Variants in RSU1 observed in about 807,000 individuals in gnomAD.
RSU1 encodes the protein rsu-1.
Under a neutral mutation model 31.1 loss-of-function variants are expected in RSU1, and 26 were observed. The observed-to-expected ratio is 0.84, with a 90% CI of 0.61 to 1.16. The LOEUF (loss-of-function observed/expected upper bound fraction) is 1.16. Ranked by LOEUF, RSU1 falls within the 50% of genes most tolerant of loss-of-function variation. RSU1 has a pLI of 0.00. For missense variants in RSU1, 320 were observed against 339.1 expected (o/e 0.94, Z 0.44); for synonymous variants, 164 against 136.3 (o/e 1.20, Z -1.41).
intron 8 of RSU1, among the ~76,000 whole-genome samples, chr10:16,655,895 C>G (rs902923583): frequency 3.9e-5 from 6 of 152,136 alleles, no homozygotes; most frequent in African/African-American, 1.4e-4. Flanking sequence ...CTTTATTGCA[C>G]TATTTGCCTT....
intron 8 of RSU1, among the ~76,000 whole-genome samples, chr10:16,620,653 G>A (rs1834053535): frequency 6.6e-6 from 1 of 152,086 alleles, no homozygotes; most frequent in African/African-American, 2.4e-5. Context: ...AGACCATCAT[G>A]GCTAACACGG....
intron 3 of RSU1, among the ~76,000 whole-genome samples, chr10:16,765,595 G>C (rs1371289440): frequency 2.0e-5 from 3 of 152,222 alleles, no homozygotes; most frequent in Non-Finnish European, 2.9e-5. Flanking sequence ...GGCAGCAGCA[G>C]GAGTTTCCAT....
At chr10:16,644,627 G>A (rs928111511) in intron 8 of RSU1, among the ~76,000 whole-genome samples, 2 of 152,176 alleles carry the variant, frequency 1.3e-5, no homozygotes, top group Admixed American at 6.5e-5. Flanking sequence ...TCCCAGACCT[G>A]TGGCATTAAC....
intron 7 of RSU1, among the ~76,000 whole-genome samples, chr10:16,718,047 AAC>A (rs1243490801): frequency 6.6e-6 from 1 of 151,680 alleles, no homozygotes; most frequent in African/African-American, 2.4e-5. Context: ...ACAATCAACA[AAC>A]ACAAAGTCAT....
intron 7 of RSU1, among the ~76,000 whole-genome samples, chr10:16,746,548 C>T (rs1836858989): frequency 6.6e-6 from 1 of 152,002 alleles, no homozygotes; most frequent in African/African-American, 2.4e-5. Flanking sequence ...TTATGCAAAA[C>T]ACAGAATCCA....
intron 7 of RSU1, among the ~76,000 whole-genome samples, chr10:16,718,110 A>AAG (rs1554768712): frequency 6.0e-4 from 90 of 150,978 alleles, no homozygotes; most frequent in East Asian, 1.9e-3. Flanking sequence ...AAAAAAAAAA[A>AAG]AAAGAAAGAA....
At chr10:16,772,635 G>T (rs1031147549) in intron 3 of RSU1, among the ~76,000 whole-genome samples, 21 of 48,220 alleles carry the variant, frequency 4.4e-4, no homozygotes, top group African/African-American at 2.5e-3. Flanking sequence ...GAGAGGAGTA[G>T]AATATGAAAA....
At chr10:16,758,482 G>A (rs1243326407) in intron 4 of RSU1, among the ~76,000 whole-genome samples, 2 of 152,194 alleles carry the variant, frequency 1.3e-5, no homozygotes, top group African/African-American at 2.4e-5. Flanking sequence ...GGTAGGAAAA[G>A]TATGGAGCTT....
At chr10:16,597,105 A>C (rs146299331) in intron 8 of RSU1, among the ~76,000 whole-genome samples, 12 of 152,320 alleles carry the variant, frequency 7.9e-5, no homozygotes, top group African/African-American at 2.6e-4. Context: ...GTAAGGAAAG[A>C]GTCTTGGCAA....
chr10:16,700,019 G>A (rs371909999), intron 7 of RSU1, among the ~76,000 whole-genome samples: 17 of 152,258 alleles, frequency 1.1e-4, no homozygotes, highest in African/African-American at 4.1e-4. Context: ...GGTTATAAAT[G>A]TGACTGAATG....
chr10:16,694,023 A>C (rs181675213), intron 8 of RSU1, among the ~76,000 whole-genome samples: 2 of 152,130 alleles, frequency 1.3e-5, no homozygotes, highest in Non-Finnish European at 2.9e-5. Context: ...GATAAATGAC[A>C]GTTTGTTTTG....
intron 2 of RSU1, among the ~76,000 whole-genome samples, chr10:16,806,337 T>A (rs1838266282): frequency 6.6e-6 from 1 of 152,166 alleles, no homozygotes. Context: ...ACAGGGTATG[T>A]GCATATGACT....
intron 8 of RSU1, among the ~76,000 whole-genome samples, chr10:16,617,569 C>T (rs1367378091): frequency 3.3e-5 from 5 of 152,164 alleles, no homozygotes; most frequent in Non-Finnish European, 7.4e-5. Flanking sequence ...AGGCATCATG[C>T]TACCTGACTT....
intron 2 of RSU1, among the ~76,000 whole-genome samples, chr10:16,789,764 C>T (rs1156850391): frequency 1.3e-5 from 2 of 152,192 alleles, no homozygotes; most frequent in African/African-American, 4.8e-5. Context: ...TCCTGCTAAC[C>T]AGACACCATT....
At chr10:16,658,603 A>T (rs983285226) in intron 8 of RSU1, among the ~76,000 whole-genome samples, 1 of 151,990 alleles carries the variant, frequency 6.6e-6, no homozygotes, top group African/African-American at 2.4e-5. Flanking sequence ...AGGCACCTGT[A>T]ATCCCAGCTA....
chr10:16,770,656 G>A (rs1837406295), intron 3 of RSU1, among the ~76,000 whole-genome samples: 1 of 152,232 alleles, frequency 6.6e-6, no homozygotes. Context: ...TGAACTGATA[G>A]CTCAACCTCT....
chr10:16,612,942 A>C (rs1374032809), intron 8 of RSU1, among the ~76,000 whole-genome samples: 2 of 146,054 alleles, frequency 1.4e-5, no homozygotes, highest in African/African-American at 2.6e-5. Context: ...TTTCCTCTCT[A>C]TTTATCTTCC....
In RSU1 at chr10:16,593,175, TGTTAAAGAAACAAATGGA is replaced by T. The variant is rs1335104785; in HGVS notation, c.*201_*218del. Reference sequence around the variant, plus strand: ...GAGCTTTGTTCCCTGCTTTTGGTAATGTTAAAGAAACAAATGGAAATGGTTTAAAGACCTTATAACAAT... The same window carrying T: ...GAGCTTTGTTCCCTGCTTTTGGTAATAATGGTTTAAAGACCTTATAACAAT... On this transcript the variant is annotated 3_prime_UTR_variant, in exon 9 of 9. Transcript: ENST00000345264. 4.3e-5 allele frequency: 33 copies of T among 765,718 alleles called. No homozygotes were observed. The highest frequency in any genetic ancestry group is 1.9e-6 in the Non-Finnish European group (1 of 536,796). The allele number at this position is 765,718 out of a possible 1,614,324, so 47.4% of individuals were successfully genotyped here. A position where few individuals can be genotyped will look rare whatever the true frequency, so the allele number is the denominator to read the frequency against.
At chr10:16,688,508 C>T in intron 8 of RSU1, among the ~76,000 whole-genome samples, 1 of 152,162 alleles carries the variant, frequency 6.6e-6, no homozygotes, top group East Asian at 1.9e-4. Flanking sequence ...ACTCGGGAGG[C>T]TGAGGCAGGA....
Sources: allele counts gnomAD v4.1 joint callset (sites outside exome capture counted in the v4.1 genomes callset), GRCh38; gene constraint gnomAD v4.1.1; transcripts MANE v1.5; gene names NCBI Gene and HGNC (gene_info 2026-07-23, HGNC 2026-07-21).